Variants in AGO2 observed in about 807,000 individuals in gnomAD.
The protein encoded by AGO2 is argonaute RISC catalytic component 2.
Under a neutral mutation model 102.3 loss-of-function variants are expected in AGO2, and 5 were observed. That is an observed-to-expected ratio of 0.05 (90% confidence interval 0.03 to 0.10). AGO2 has a LOEUF of 0.10. AGO2 is among the 10% of genes least tolerant of loss of function. AGO2 has a pLI of 1.00. For synonymous variants in AGO2, 449 were observed against 473.1 expected, an observed-to-expected ratio of 0.95 and a Z score of 0.66; for missense variants, 541 against 1,183.7, an observed-to-expected ratio of 0.46 and a Z score of 7.97.
At chr8:140,545,186 G>T (rs995540441) in intron 13 of AGO2, among the ~76,000 whole-genome samples, 2 of 152,108 alleles carry the variant, frequency 1.3e-5, no homozygotes, top group African/African-American at 4.8e-5. Flanking sequence ...CCTGCCTTGC[G>T]GCAGAGCTCC....
At chr8:140,568,287 G>GAAAA (rs4058201) in intron 3 of AGO2, among the ~76,000 whole-genome samples, 3 of 132,074 alleles carry the variant, frequency 2.3e-5, no homozygotes, top group Non-Finnish European at 3.1e-5. Context: ...ATGTCTGGGG[G>GAAAA]AAAAAAAAAA....
At chr8:140,546,366 G>A (rs2072900777) in intron 13 of AGO2, among the ~76,000 whole-genome samples, 1 of 152,342 alleles carries the variant, frequency 6.6e-6, no homozygotes, top group African/African-American at 2.4e-5. Context: ...TGCTAGGGGT[G>A]GAAATTCCTG....
At chr8:140,558,691 A>T in intron 6 of AGO2, 119 bp from the exon 7 acceptor site, 1 of 1,087,292 alleles carries the variant, frequency 9.2e-7, no homozygotes, top group Non-Finnish European at 1.4e-6. Context: ...GGGGGGCTGC[A>T]GGGCTCCCCT....
Position 140,520,622 on chromosome 8 carries a change from C to T in AGO2, c.*11422G>A, listed in dbSNP as rs966179577. On this transcript the variant is annotated 3_prime_UTR_variant, in exon 19 of 19. Coordinates refer to ENST00000220592, the MANE Select transcript of AGO2 (RefSeq NM_012154.5). ...GGGCTCTCTGGAGAGACCAGAGGCT[C>T]GGGCTGCCTGATTTCAGCAACACAT... 6.6e-6 allele frequency: 1 copy of T among 151,792 alleles called. No homozygotes were observed. Among genetic ancestry groups the T allele is most frequent in the African/African-American group, 2.4e-5 (1 of 41,316 alleles). 9.4% of individuals were successfully genotyped at this position (151,792 alleles called of 1,614,324 possible).
At chr8:140,634,285 G>A (rs1315184124) in intron 1 of AGO2, among the ~76,000 whole-genome samples, 1 of 152,280 alleles carries the variant, frequency 6.6e-6, no homozygotes, top group Admixed American at 6.5e-5. Context: ...CACCATCAAC[G>A]GACCAAGGTG....
At chr8:140,641,149 G>C in the AGO2 span, among the ~76,000 whole-genome samples, 1 of 152,172 alleles carries the variant, frequency 6.6e-6, no homozygotes, top group South Asian at 2.1e-4. Flanking sequence ...AAAAATTAGT[G>C]GGACATGATT....
chr8:140,626,114 GC>G (rs932208043), intron 1 of AGO2, among the ~76,000 whole-genome samples: 104 of 48,638 alleles, frequency 2.1e-3, no homozygotes, highest in African/African-American at 8.5e-3. Flanking sequence ...TGGGTTCATG[GC>G]CCGGGGGGGC....
At chr8:140,640,170 G>A (rs537884593), upstream of AGO2, among the ~76,000 whole-genome samples, 5 of 151,778 alleles carry the variant, frequency 3.3e-5, no homozygotes, top group Admixed American at 6.6e-5. Flanking sequence ...CACCACACCC[G>A]GCTAATTTTT....
rs1431791684 is a variant in AGO2 at position 140,559,542 on chromosome 8, A to C, written c.656-13T>G. ...GCTGTTGCTGACACTGTAGGCGAGA[A>C]AAGAGGCAAAGGCCTAAGCATGACT... On this transcript the variant is annotated splice_polypyrimidine_tract_variant and intron_variant, in intron 5 of 18. Coordinates refer to ENST00000220592, the MANE Select transcript of AGO2 (RefSeq NM_012154.5). 1 of 1,612,928 alleles carries C rather than the reference A, an allele frequency of 6.2e-7. No homozygotes were observed. The highest frequency in any genetic ancestry group is 1.1e-5 in the South Asian group (1 of 91,052).
intron 14 of AGO2, 132 bp downstream of exon 14, chr8:140,544,081 G>A: frequency 1.0e-6 from 1 of 960,676 alleles, no homozygotes. Flanking sequence ...CAAGACCCCG[G>A]CCGTCCCTAC....
At chr8:140,532,230 G>A (rs1470141214) in intron 18 of AGO2, 78 bp from the exon 19 acceptor site, 2 of 1,459,360 alleles carry the variant, frequency 1.4e-6, no homozygotes, top group African/African-American at 1.4e-5. Context: ...TCACTAAGTC[G>A]GGATGGCATG....
chr8:140,617,815 G>C (rs2074160633), intron 1 of AGO2, among the ~76,000 whole-genome samples: 4 of 151,824 alleles, frequency 2.6e-5, no homozygotes, highest in Non-Finnish European at 5.9e-5. Context: ...CCAGGCGTTT[G>C]AGAGCAGCCT....
upstream of AGO2, among the ~76,000 whole-genome samples, chr8:140,638,722 A>T (rs541469021): frequency 6.6e-6 from 1 of 152,184 alleles, no homozygotes; most frequent in South Asian, 2.1e-4. Context: ...CCACAGGTGC[A>T]TGCCACCATG....
chr8:140,594,733 G>C (rs533778434), intron 1 of AGO2, among the ~76,000 whole-genome samples: 1 of 151,984 alleles, frequency 6.6e-6, no homozygotes, highest in African/African-American at 2.4e-5. Context: ...ACTTGAGCCT[G>C]GGGAGGTCAA....
At chr8:140,620,551 C>T (rs2074205593) in intron 1 of AGO2, among the ~76,000 whole-genome samples, 2 of 152,126 alleles carry the variant, frequency 1.3e-5, no homozygotes, top group South Asian at 2.1e-4. Context: ...TTGAATTTTT[C>T]CACAATAAAA....
intron 3 of AGO2, among the ~76,000 whole-genome samples, chr8:140,571,201 C>A (rs901119009): frequency 6.6e-5 from 10 of 152,286 alleles, no homozygotes; most frequent in African/African-American, 2.4e-4. Context: ...ACCATGAGAT[C>A]GCTTTATGCA....
intron 1 of AGO2, among the ~76,000 whole-genome samples, chr8:140,632,183 A>G (rs189976104): frequency 1.8e-4 from 27 of 152,386 alleles, no homozygotes; most frequent in African/African-American, 6.5e-4. Context: ...CACAGGGTTT[A>G]GGAGTTTGGA....
In AGO2 at chr8:140,612,220, C is replaced by CAAAAAA. The variant is rs542472147; in HGVS notation, c.22+23259_22+23264dup. 7.3e-5 allele frequency among the ~76,000 whole-genome samples: 7 copies of CAAAAAA among 95,958 alleles called. 1 individual carries two copies. The highest frequency in any genetic ancestry group is 3.6e-4 in the East Asian group (1 of 2,748). 63.0% of individuals were successfully genotyped at this position (95,958 alleles called of 152,430 possible). ...CCTGGCCAAGAGCGAGACTCTGTCTCAAAAAAAAAAAAAAAAAAAAAAAAA... is the reference window on the plus strand; with the variant it reads ...CCTGGCCAAGAGCGAGACTCTGTCTCAAAAAAAAAAAAAAAAAAAAAAAAAAAAAAA... On this transcript the variant is annotated intron_variant, in intron 1 of 18. Coordinates refer to ENST00000220592, the MANE Select transcript of AGO2 (RefSeq NM_012154.5).
rs1308072732 is a variant in AGO2, at chr8:140,526,116, GA to G, written c.*5927del. The G allele has an allele frequency of 9.9e-5, 15 of 152,212 alleles. No individual in the cohort carries two copies. Among genetic ancestry groups the G allele is most frequent in the Admixed American group, 8.5e-4 (13 of 15,274 alleles). The allele number at this position is 152,212 out of a possible 1,614,324, so 9.4% of individuals were successfully genotyped here. On this transcript the variant is annotated 3_prime_UTR_variant, in exon 19 of 19. Transcript: ENST00000220592. The surrounding 1 kb of genome is among the most constrained non-coding windows in gnomAD (Gnocchi z 5.2). The stretch of plus-strand genomic sequence containing the variant: ...GGCCAATTACGTCTGCATTGTCTTT[GA>G]AACCATGCAACTATTTTAAATGTAT...
Sources: gnomAD v4.1 joint callset for allele counts (sites outside exome capture counted in the v4.1 genomes callset) on GRCh38, gnomAD v4.1.1 for gene constraint, Gnocchi (gnomAD v3.1) non-coding constraint, MANE v1.5 for transcripts, NCBI Gene and HGNC (gene_info 2026-07-23, HGNC 2026-07-21) for gene names.